Variants in FAP observed in about 807,000 individuals in gnomAD.
FAP encodes prolyl endopeptidase FAP.
A neutral mutation model predicts 126.5 loss-of-function variants in FAP; 110 were observed. The ratio of observed to expected loss-of-function variants is 0.87; its 90% CI spans 0.74 to 1.02. The LOEUF (loss-of-function observed/expected upper bound fraction) is 1.02, where lower values mean the gene tolerates loss of function less well. Ranked by LOEUF, FAP falls within the 50% of genes least tolerant of loss-of-function variation. FAP has a pLI of 0.00. For missense variants in FAP, 919 were observed against 909.2 expected (o/e 1.01, Z -0.14); for synonymous variants, 334 against 297.3 (o/e 1.12, Z -1.27).
At position 162,200,728 on chromosome 2, in the gene FAP, CAATT is replaced by C. The variant is rs1688464296; in HGVS notation, c.1224-113_1224-110del. ...ATAGGTAAGCATTTATCTAATGAAACAATTAATTGGTGCTTAAGTACACAAATAA... is the reference window on the plus strand; with the variant it reads ...ATAGGTAAGCATTTATCTAATGAAACAATTGGTGCTTAAGTACACAAATAA... On this transcript the variant is annotated intron_variant, in intron 14 of 25. Transcript: ENST00000188790. 12 of 546,178 alleles carry C rather than the reference CAATT, an allele frequency of 2.2e-5. No homozygotes were observed. The Admixed American group carries it at 2.3e-4, about 10-fold the overall frequency. The allele number at this position is 546,178 out of a possible 1,614,324, so 33.8% of individuals were successfully genotyped here. A position where few individuals can be genotyped will look rare whatever the true frequency, so the allele number is the denominator to read the frequency against.
intron 16 of FAP, chr2:162,195,044 T>C: frequency 2.5e-6 from 1 of 394,184 alleles, no homozygotes; most frequent in Non-Finnish European, 4.7e-6. Flanking sequence ...GAAGCTGCAG[T>C]GACAAATGGC....
At chr2:162,192,566 T>C (rs1688089159) in intron 17 of FAP, among the ~76,000 whole-genome samples, 1 of 152,128 alleles carries the variant, frequency 6.6e-6, no homozygotes, top group Non-Finnish European at 1.5e-5. Flanking sequence ...TCGGCTCATA[T>C]CATCCACTTC....
chr2:162,216,032 T>A, intron 9 of FAP, 31 bp from the exon 10 acceptor site: 1 of 1,497,076 alleles, frequency 6.7e-7, no homozygotes. Context: ...TATAAGCTCA[T>A]AAAATTCCAA....
At chr2:162,178,812 C>T (rs1687579814) in intron 21 of FAP, among the ~76,000 whole-genome samples, 2 of 152,176 alleles carry the variant, frequency 1.3e-5, no homozygotes, top group Admixed American at 1.3e-4. Context: ...TTCATGGAAA[C>T]ACATATATTC....
At position 162,173,762 on chromosome 2, in the gene FAP, CATGA is replaced by C; in HGVS notation, c.1991_1994del (p.Phe664TrpfsTer18). 6.2e-7 allele frequency: 1 copy of C among 1,605,298 alleles called. No individual in the cohort carries two copies. Among genetic ancestry groups the C allele is most frequent in the East Asian group, 2.2e-5 (1 of 44,794 alleles). ...GATTATCATCCTTTGTTGGGAGACC[CATGA>C]ATCTCTCTGTGTAGACAGACGCTAT... On this transcript the variant is annotated frameshift_variant, in exon 23 of 26. Coordinates refer to ENST00000188790, the MANE Select transcript of FAP (RefSeq NM_004460.5). LOFTEE classifies it high-confidence loss of function.
At position 162,238,136 on chromosome 2, in the gene FAP, A is replaced by G. The variant is rs538463513; in HGVS notation, c.91+4772T>C. On this transcript the variant is annotated intron_variant, in intron 2 of 25. Transcript: ENST00000188790. The stretch of plus-strand genomic sequence containing the variant: ...GGAGAGATTGGAAAAATTTTCTCTC[A>G]TTCTGTAGGTTGCCTGTTCACTCTA... 1.1e-4 allele frequency among the ~76,000 whole-genome samples: 16 copies of G among 151,908 alleles called. No individual in the cohort carries two copies. In the East Asian group the frequency reaches 2.7e-3, roughly 26 times the overall value.
chr2:162,183,948 G>A (rs113723574), intron 20 of FAP, among the ~76,000 whole-genome samples: 5 of 152,210 alleles, frequency 3.3e-5, no homozygotes, highest in African/African-American at 1.2e-4. Flanking sequence ...ATATACAACC[G>A]TCTTCCATTT....
intron 21 of FAP, among the ~76,000 whole-genome samples, chr2:162,179,791 T>A (rs35906777): frequency 0.029 from 424 of 14,550 alleles, 11 homozygotes; most frequent in Non-Finnish European, 0.075. Context: ...TCTATCTATC[T>A]ATATATATAT....
intron 21 of FAP, among the ~76,000 whole-genome samples, chr2:162,182,687 A>G (rs1022002238): frequency 4.6e-5 from 7 of 152,208 alleles, no homozygotes; most frequent in African/African-American, 1.7e-4. Flanking sequence ...TCAGACCAAA[A>G]AGTGAAACAG....
intron 6 of FAP, among the ~76,000 whole-genome samples, chr2:162,222,458 A>G (rs1689448402): frequency 6.6e-6 from 1 of 152,362 alleles, no homozygotes; most frequent in East Asian, 1.9e-4. Context: ...TTATCAGAGT[A>G]ATTCTTTTCT....
Position 162,243,002 on chromosome 2 carries a change from A to G in FAP, c.7-10T>C, listed in dbSNP as rs1690416504. 6 of 1,605,518 alleles carry G rather than the reference A, an allele frequency of 3.7e-6. No individual in the cohort carries two copies. The highest frequency in any genetic ancestry group is 5.1e-6 in the Non-Finnish European group (6 of 1,173,850). ...CGATTTTTACCCAAGTCTACATAAA[A>G]TAAAGAGAATTAGGCATACACACAG... is the stretch of plus-strand genomic sequence containing the variant. On this transcript the variant is annotated splice_polypyrimidine_tract_variant and intron_variant, in intron 1 of 25. Transcript: ENST00000188790.
intron 18 of FAP, 92 bp from the exon 19 acceptor site, chr2:162,189,264 A>T (rs1687958965): frequency 1.6e-6 from 1 of 643,492 alleles, no homozygotes; most frequent in Admixed American, 3.0e-5. Context: ...AATAAAATCA[A>T]TTTTCAACTA....
chr2:162,239,749 T>C (rs1182445948), intron 2 of FAP, among the ~76,000 whole-genome samples: 1 of 152,222 alleles, frequency 6.6e-6, no homozygotes, highest in Non-Finnish European at 1.5e-5. Context: ...GAGTATTTGT[T>C]CATCACCATG....
chr2:162,198,441 G>C, intron 16 of FAP: 1 of 987,174 alleles, frequency 1.0e-6, no homozygotes, highest in South Asian at 1.6e-5. Flanking sequence ...CAGTCTTAGT[G>C]CTGTGGAATG....
chr2:162,222,069 A>G (rs1277946424), intron 6 of FAP, among the ~76,000 whole-genome samples: 2 of 152,178 alleles, frequency 1.3e-5, no homozygotes, highest in African/African-American at 4.8e-5. Flanking sequence ...GTTTAATGTG[A>G]TTTTAGGCCA....
At chr2:162,243,080 T>C (rs1690419633) in intron 1 of FAP, 88 bp from the exon 2 acceptor site, 6 of 1,065,272 alleles carry the variant, frequency 5.6e-6, no homozygotes, top group Admixed American at 2.1e-5. Flanking sequence ...AAATCCTTTT[T>C]CTCTCGCCCC....
intron 21 of FAP, chr2:162,176,039 A>G (rs890604098): frequency 6.6e-6 from 1 of 152,156 alleles, no homozygotes; most frequent in African/African-American, 2.4e-5. Flanking sequence ...AAGCCATACC[A>G]TGTTTTTAGG....
rs771098289 is a variant in FAP, at chr2:162,172,846, C to T, written c.2146G>A (p.Ala716Thr). ...HFQNSAQIAK[A>T]LVNAQVDFQA... ...AAATCCACTTGTGCATTAACCAGAG[C>T]TTTAGCAATCTGTGCTGAGTTTTGA... The change falls in exon 25 of 26, where the codon GCT becomes ACT. Residue 716 changes from alanine (A) to threonine (T), a missense_variant. Coordinates refer to ENST00000188790, the MANE Select transcript of FAP (RefSeq NM_004460.5). 4.3e-6 allele frequency: 7 copies of T among 1,613,064 alleles called. No individual in the cohort carries two copies. In the South Asian group the frequency reaches 7.7e-5, roughly 18 times the overall value.
In FAP at chr2:162,188,361, T is replaced by C. The variant is rs929674408; in HGVS notation, c.1622A>G (p.Tyr541Cys). Reference protein sequence around the residue: ...SKKYPLLIQVYGGPCSQSVRS... With the variant: ...SKKYPLLIQVCGGPCSQSVRS... ...TACACTCTGACTGCAGGGACCACCATACCTAAAGGAAAAACAAAAAAAACA... is the reference window on the plus strand; with the variant it reads ...TACACTCTGACTGCAGGGACCACCACACCTAAAGGAAAAACAAAAAAAACA... Residue 541 changes from tyrosine (Y) to cysteine (C), a missense_variant and splice_region_variant, in exon 20 of 26, where the codon TAT (tyrosine) becomes TGT (cysteine). Transcript: ENST00000188790. 1 of 1,609,164 alleles carries C rather than the reference T, an allele frequency of 6.2e-7. No individual in the cohort carries two copies. Among genetic ancestry groups the C allele is most frequent in the Non-Finnish European group, 8.5e-7 (1 of 1,177,914 alleles).
Sources: gnomAD v4.1 joint callset for allele counts (sites outside exome capture counted in the v4.1 genomes callset) on GRCh38, gnomAD v4.1.1 for gene constraint, MANE v1.5 for transcripts, NCBI Gene and HGNC (gene_info 2026-07-23, HGNC 2026-07-21) for gene names.